IRAG1: variants seen among roughly 807,000 people sequenced by gnomAD.
The protein encoded by IRAG1 is inositol 1,4,5-triphosphate receptor associated 1, also known as IP3R-associated cGMP kinase substrate.
A neutral mutation model predicts 106.2 loss-of-function variants in IRAG1; 62 were observed. The ratio of observed to expected loss-of-function variants is 0.58; its 90% confidence interval spans 0.48 to 0.72. The LOEUF (loss-of-function observed/expected upper bound fraction) is 0.72, where lower values mean the gene tolerates loss of function less well. Among genes scored for constraint, IRAG1 ranks in the 30% least tolerant of loss-of-function variants. IRAG1 has a pLI of 0.00. For synonymous variants in IRAG1, 462 were observed against 443.9 expected (o/e 1.04, Z -0.51); for missense variants, 1,064 against 1,140.7 (o/e 0.93, Z 0.97).
chr11:10,688,713 G>A (rs1861842625), intron 1 of IRAG1, among the ~76,000 whole-genome samples: 2 of 152,122 alleles, frequency 1.3e-5, no homozygotes, highest in Non-Finnish European at 2.9e-5. Context: ...CATACAACCC[G>A]ATTTCCACCA....
At position 10,609,729 on chromosome 11, in the gene IRAG1, T is replaced by C; in HGVS notation, c.1570A>G (p.Ser524Gly). The change falls in exon 11 of 21, where the codon AGT becomes GGT. Residue 524 changes from serine to glycine, a missense_variant and splice_region_variant. Physicochemically the swap from Ser to Gly is moderately conservative, Grantham distance 56. Transcript: ENST00000423302. ...CTGTAACCCACATCCTGATTTTACC[T>C]TCCAGGGAGACTCCTGTGGACCCGC... is the stretch of plus-strand genomic sequence containing the variant. ...KLRVHRSLPG[S>G]APPLTEKEVE... 1.2e-6 allele frequency: 2 copies of C among 1,613,694 alleles called. No individual in the cohort carries two copies. Among genetic ancestry groups the C allele is most frequent in the Non-Finnish European group, 1.7e-6 (2 of 1,179,738 alleles).
At chr11:10,593,820 C>T (rs1852951145) in intron 16 of IRAG1, 1 of 576,674 alleles carries the variant, frequency 1.7e-6, no homozygotes, top group African/African-American at 1.9e-5. Flanking sequence ...TCTATTTTAG[C>T]TTATGAGATC....
At chr11:10,646,825 T>C (rs1331096480) in intron 2 of IRAG1, among the ~76,000 whole-genome samples, 4 of 152,138 alleles carry the variant, frequency 2.6e-5, no homozygotes, top group Non-Finnish European at 4.4e-5. Flanking sequence ...AATAGCATGG[T>C]GGCCTGTGTT....
At chr11:10,674,147 TCA>T (rs1385576326) in intron 1 of IRAG1, among the ~76,000 whole-genome samples, 3 of 152,130 alleles carry the variant, frequency 2.0e-5, no homozygotes, top group Admixed American at 6.5e-5. Context: ...GGCACTGAGC[TCA>T]GAGGTAAGAG....
intron 10 of IRAG1, among the ~76,000 whole-genome samples, chr11:10,610,451 T>C (rs1161422323): frequency 1.3e-5 from 2 of 152,220 alleles, no homozygotes; most frequent in Admixed American, 1.3e-4. Flanking sequence ...TCTAAAACTA[T>C]CTTGGGTCTG....
chr11:10,594,126 T>TCCTGGACCAGGGC lies in IRAG1; in HGVS notation c.2067+19_2067+20insGCCCTGGTCCAGG. On this transcript the variant is annotated intron_variant, in intron 16 of 20. Coordinates refer to ENST00000423302, the MANE Select transcript of IRAG1 (RefSeq NM_130385.4). ...GTCATACTCCTTCCAGGAGCCCTGG[T>TCCTGGACCAGGGC]ATTCCTTGAACATGCATACCTTTCC... 3.1e-6 allele frequency: 5 copies of TCCTGGACCAGGGC among 1,596,698 alleles called. No individual in the cohort carries two copies. The highest frequency in any genetic ancestry group is 4.3e-6 in the Non-Finnish European group (5 of 1,171,200).
intron 1 of IRAG1, among the ~76,000 whole-genome samples, chr11:10,670,448 G>T (rs1441407826): frequency 1.3e-5 from 2 of 152,204 alleles, no homozygotes; most frequent in African/African-American, 4.8e-5. Flanking sequence ...AAAATAGGCA[G>T]TGCTTTCTAA....
chr11:10,675,162 G>C (rs1460015617), intron 1 of IRAG1, among the ~76,000 whole-genome samples: 1 of 152,194 alleles, frequency 6.6e-6, no homozygotes, highest in South Asian at 2.1e-4. Context: ...TGTGATTCAG[G>C]CTCCAAAAAT....
rs372970009 is a variant in IRAG1, at chr11:10,659,288, C to T, written c.68-7106G>A. 1.3e-5 allele frequency among the ~76,000 whole-genome samples: 2 copies of T among 152,102 alleles called. No homozygotes were observed. Among genetic ancestry groups the T allele is most frequent in the East Asian group, 1.9e-4 (1 of 5,196 alleles). On this transcript the variant is annotated intron_variant, in intron 1 of 20. Coordinates refer to ENST00000423302, the MANE Select transcript of IRAG1 (RefSeq NM_130385.4). The surrounding 1 kb of genome is among the most constrained non-coding windows in gnomAD (Gnocchi z 4.1). ...TGAGTGACTGAAGGGGGTACAGCCACCCCCCAGTGTGTGGTGGAAGCCCCA... is the reference window on the plus strand; with the variant it reads ...TGAGTGACTGAAGGGGGTACAGCCATCCCCCAGTGTGTGGTGGAAGCCCCA...
At chr11:10,603,435 A>G (rs963706857) in intron 13 of IRAG1, among the ~76,000 whole-genome samples, 184 bp from the exon 14 acceptor site, 2 of 152,172 alleles carry the variant, frequency 1.3e-5, no homozygotes, top group African/African-American at 4.8e-5. Flanking sequence ...TAAGGAGGGT[A>G]CAACCTAGAT....
chr11:10,643,019 A>G (rs1416172174), intron 2 of IRAG1, among the ~76,000 whole-genome samples: 2 of 151,828 alleles, frequency 1.3e-5, no homozygotes, highest in African/African-American at 4.8e-5. Flanking sequence ...AAAATACAAA[A>G]GCAAAATTAG....
At chr11:10,601,093 AT>A (rs1440006019) in intron 14 of IRAG1, 34 bp from the exon 15 acceptor site, 1 of 1,611,458 alleles carries the variant, frequency 6.2e-7, no homozygotes, top group South Asian at 1.1e-5. Flanking sequence ...GCATGAGGCC[AT>A]TGGAGGAAAG....
At position 10,627,725 on chromosome 11, in the gene IRAG1, A is replaced by G; in HGVS notation, c.741T>C (p.Pro247=). Residue 247 remains proline, a synonymous_variant, in exon 8 of 21, where the codon CCT becomes CCC. Transcript: ENST00000423302. ...GDEADVSSPH[P]GEPNVPKGLA... is the part of the protein sequence containing the mutation. Reference sequence around the variant, plus strand: ...CAAAGCTCAAACTCACAGGCTCGCCAGGGTGAGGTGAAGAGACGTCGGCCT... The same window carrying G: ...CAAAGCTCAAACTCACAGGCTCGCCGGGGTGAGGTGAAGAGACGTCGGCCT... The G allele has an allele frequency of 6.2e-7, 1 of 1,614,006 alleles. No homozygotes were observed. Among genetic ancestry groups the G allele is most frequent in the Middle Eastern group, 1.7e-4 (1 of 6,060 alleles).
intron 15 of IRAG1, among the ~76,000 whole-genome samples, chr11:10,595,319 C>T (rs1853173887): frequency 6.6e-6 from 1 of 152,018 alleles, no homozygotes; most frequent in African/African-American, 2.4e-5. Flanking sequence ...TTTATTTCTA[C>T]CATGTAATTT....
chr11:10,633,978 G>A lies in IRAG1; in HGVS notation c.319C>T (p.Leu107=), dbSNP rs765007735. 10 of 1,610,402 alleles carry A rather than the reference G, an allele frequency of 6.2e-6. No homozygotes were observed. The highest frequency in any genetic ancestry group is 7.6e-6 in the Non-Finnish European group (9 of 1,177,734). Residue 107 remains leucine, a synonymous_variant, in exon 3 of 21, where the codon CTG becomes TTG. Coordinates refer to ENST00000423302, the MANE Select transcript of IRAG1 (RefSeq NM_130385.4). ...TSPEGETDKN[L]ANRVHSPHKR... ...ATCAGGCACCTGTACCTGTTGGCCAGGTTTTTGTCGGTTTCTCCTTCTGGT... is the reference window on the plus strand; with the variant it reads ...ATCAGGCACCTGTACCTGTTGGCCAAGTTTTTGTCGGTTTCTCCTTCTGGT...
chr11:10,650,948 A>C (rs1019503152), intron 2 of IRAG1, among the ~76,000 whole-genome samples: 2 of 152,244 alleles, frequency 1.3e-5, no homozygotes, highest in Admixed American at 1.3e-4. Context: ...TCAGAAAACA[A>C]ATGCCATCAT....
At chr11:10,616,769 G>T (rs1194133006) in intron 10 of IRAG1, among the ~76,000 whole-genome samples, 1 of 152,116 alleles carries the variant, frequency 6.6e-6, no homozygotes, top group Non-Finnish European at 1.5e-5. Flanking sequence ...TAGTGGGGAA[G>T]GAGGTGTTTA....
intron 10 of IRAG1, among the ~76,000 whole-genome samples, chr11:10,610,505 T>C (rs1854858255): frequency 6.6e-6 from 1 of 152,218 alleles, no homozygotes; most frequent in Non-Finnish European, 1.5e-5. Flanking sequence ...CTCTTTTCCA[T>C]AAATCTTTCT....
chr11:10,687,483 A>C, intron 1 of IRAG1: 1 of 288,844 alleles, frequency 3.5e-6, no homozygotes, highest in South Asian at 4.4e-5. Flanking sequence ...AAATCTGCTC[A>C]ATGCAATATT....
Sources: gnomAD v4.1 joint callset for allele counts (sites outside exome capture counted in the v4.1 genomes callset) on GRCh38, gnomAD v4.1.1 for gene constraint, Gnocchi (gnomAD v3.1) non-coding constraint, MANE v1.5 for transcripts, NCBI Gene and HGNC (gene_info 2026-07-23, HGNC 2026-07-21) for gene names.